The following ZDHHC3 variants were observed in gnomAD, a reference collection of about 807,000 sequenced individuals.
ZDHHC3 encodes the protein palmitoyltransferase ZDHHC3.
ZDHHC3 carries 9 observed loss-of-function variants against 30.6 expected under a neutral mutation model. That is an observed-to-expected ratio of 0.29 (90% CI 0.18 to 0.51). The LOEUF is 0.51. Among genes scored for constraint, ZDHHC3 ranks in the 20% least tolerant of loss-of-function variants. The pLI is 0.97. For missense variants in ZDHHC3, 246 were observed against 384.2 expected (o/e 0.64, Z 3.01); for synonymous variants, 136 against 140.2 (o/e 0.97, Z 0.21).
intron 1 of ZDHHC3, among the ~76,000 whole-genome samples, chr3:44,960,769 A>G (rs142294868): frequency 6.6e-6 from 1 of 152,370 alleles, no homozygotes; most frequent in African/African-American, 2.4e-5. Flanking sequence ...ACTCAAAAGC[A>G]GCACTGGCCA....
chr3:44,957,162 G>C (rs1185067612), intron 2 of ZDHHC3, among the ~76,000 whole-genome samples: 1 of 152,040 alleles, frequency 6.6e-6, no homozygotes, highest in East Asian at 1.9e-4. Context: ...GTCCCCCTTT[G>C]CCCCAGAAAG....
At chr3:44,975,889 C>T in intron 1 of ZDHHC3, 44 bp downstream of exon 1, 1 of 194,780 alleles carries the variant, frequency 5.1e-6, no homozygotes, top group Non-Finnish European at 1.0e-5. Context: ...GCTCGCCTCA[C>T]CCCAGCTTCT....
Position 44,925,548 on chromosome 3 carries a change from C to A in ZDHHC3, c.*1141G>T. The stretch of plus-strand genomic sequence containing the variant: ...GAAAATCTATTCTGTCCCAGTGCCA[C>A]AGGCTTAGGTGTGTCTGTGGATTCT... On this transcript the variant is annotated 3_prime_UTR_variant, in exon 7 of 7. Transcript: ENST00000424952. 1.0e-6 allele frequency: 1 copy of A among 985,484 alleles called. No homozygotes were observed. Among genetic ancestry groups the A allele is most frequent in the Non-Finnish European group, 1.2e-6 (1 of 829,954 alleles). The allele number at this position is 985,484 out of a possible 1,614,324, so 61.0% of individuals were successfully genotyped here.
chr3:44,938,386 G>T, intron 3 of ZDHHC3: 1 of 215,186 alleles, frequency 4.6e-6, no homozygotes, highest in Admixed American at 4.4e-5. Flanking sequence ...GGATTCTGGG[G>T]ACTGCCCAGT....
intron 2 of ZDHHC3, chr3:44,958,745 G>A: frequency 7.0e-7 from 1 of 1,423,242 alleles, no homozygotes; most frequent in East Asian, 2.5e-5. Flanking sequence ...TCTTCACTGG[G>A]AAGCCCAATC....
chr3:44,973,622 C>A (rs796336785), intron 1 of ZDHHC3, among the ~76,000 whole-genome samples: 78 of 152,206 alleles, frequency 5.1e-4, no homozygotes, highest in African/African-American at 1.6e-3. Flanking sequence ...CCATGCCCGG[C>A]TGATTTTGTA....
chr3:44,927,237 C>T (rs1402634134), intron 6 of ZDHHC3, among the ~76,000 whole-genome samples: 1 of 152,118 alleles, frequency 6.6e-6, no homozygotes, highest in Non-Finnish European at 1.5e-5. Flanking sequence ...AAGGCTTTGG[C>T]GTGAGAGGCC....
intron 2 of ZDHHC3, among the ~76,000 whole-genome samples, chr3:44,956,089 C>T (rs1042026459): frequency 6.6e-6 from 1 of 152,248 alleles, no homozygotes; most frequent in Non-Finnish European, 1.5e-5. Context: ...TCTGCATCCA[C>T]TGCAAGGGCC....
At chr3:44,946,576 G>T (rs1023805580) in intron 2 of ZDHHC3, among the ~76,000 whole-genome samples, 1 of 152,178 alleles carries the variant, frequency 6.6e-6, no homozygotes, top group Non-Finnish European at 1.5e-5. Flanking sequence ...TGTGTTGAGG[G>T]AGCACAGAGG....
At position 44,921,296 on chromosome 3, in the gene ZDHHC3, T is replaced by C. The variant is rs1700574169; in HGVS notation, c.*5393A>G. On this transcript the variant is annotated 3_prime_UTR_variant, in exon 7 of 7. Transcript: ENST00000424952. ...AGAACGAGAACAGGCTGTTCCCTGC[T>C]CCCTGTATCATCAGATGTAGAAAGC... The C allele has an allele frequency of 1.0e-6, 1 of 985,374 alleles. No homozygotes were observed. Among genetic ancestry groups the C allele is most frequent in the African/African-American group, 1.7e-5 (1 of 57,336 alleles). The allele number at this position is 985,374 out of a possible 1,614,324, so 61.0% of individuals were successfully genotyped here.
chr3:44,929,032 G>T (rs952014714), intron 6 of ZDHHC3, among the ~76,000 whole-genome samples: 4 of 152,204 alleles, frequency 2.6e-5, no homozygotes, highest in Non-Finnish European at 4.4e-5. Context: ...ACCTGCCATG[G>T]GGGGGATGGA....
At chr3:44,942,972 C>T (rs575520098) in intron 3 of ZDHHC3, among the ~76,000 whole-genome samples, 1 of 152,102 alleles carries the variant, frequency 6.6e-6, no homozygotes, top group African/African-American at 2.4e-5. Flanking sequence ...CTCCTAAGCC[C>T]GAGAGTGGCA....
At chr3:44,945,396 T>G in intron 2 of ZDHHC3, 104 bp from the exon 3 acceptor site, 1 of 1,442,132 alleles carries the variant, frequency 6.9e-7, no homozygotes, top group South Asian at 1.3e-5. Context: ...CACACACACA[T>G]GGACAGGACA....
chr3:44,971,641 A>C lies in ZDHHC3; in HGVS notation c.-25+4292T>G, dbSNP rs370761984. Among the ~76,000 whole-genome samples, 240 of 152,278 alleles carry C rather than the reference A, an allele frequency of 1.6e-3. 1 individual carries two copies. Among genetic ancestry groups the C allele is most frequent in the African/African-American group, 5.5e-3 (227 of 41,538 alleles). On this transcript the variant is annotated intron_variant, in intron 1 of 6. Transcript: ENST00000424952. ...AATATTTCTACATTTGGTAAGCAGG[A>C]TCTGTTACCCCCTTTTCTCAAATAT...
intron 1 of ZDHHC3, chr3:44,975,388 T>C (rs1226744059): frequency 1.3e-5 from 2 of 152,224 alleles, no homozygotes; most frequent in Non-Finnish European, 2.9e-5. Context: ...CAGTTCCCGC[T>C]AGGAAGCGTT....
Position 44,959,182 on chromosome 3 carries a change from C to A in ZDHHC3, c.255G>T (p.Leu85=). The change falls in exon 2 of 7, where the codon CTG becomes CTT. Residue 85 remains leucine (L), a synonymous_variant. Coordinates refer to ENST00000424952, the MANE Select transcript of ZDHHC3 (RefSeq NM_001135179.2). This position sits in a 1 kb window ranked among gnomAD's most constrained non-coding sequence, Gnocchi z 4.3. The part of the protein sequence containing the change: ...YSIINGIVFN[L]LAFLALASHC... ...GGGAGGCCAGGGCCAAGAAGGCCAG[C>A]AGGTTGAACACAATTCCGTTGATGA... is the stretch of plus-strand genomic sequence containing the variant. 6.2e-7 allele frequency: 1 copy of A among 1,614,256 alleles called. No individual in the cohort carries two copies. Among genetic ancestry groups the A allele is most frequent in the Non-Finnish European group, 8.5e-7 (1 of 1,180,052 alleles).
chr3:44,955,457 T>TTATATATATATATATA (rs150337679), intron 2 of ZDHHC3, among the ~76,000 whole-genome samples: 12 of 143,962 alleles, frequency 8.3e-5, no homozygotes, highest in African/African-American at 3.1e-4. Context: ...CACAAGGTTT[T>TTATATATATATATATA]TATATATATA....
Position 44,924,874 on chromosome 3 carries a change from C to T in ZDHHC3, c.*1815G>A, listed in dbSNP as rs1291172901. ...CTTAGCATCTCAGCCTCGCCCGTATCGCATGAATAGCACCGTAGACACGAG... is the reference window on the plus strand; with the variant it reads ...CTTAGCATCTCAGCCTCGCCCGTATTGCATGAATAGCACCGTAGACACGAG... On this transcript the variant is annotated 3_prime_UTR_variant, in exon 7 of 7. Transcript: ENST00000424952. The T allele has an allele frequency of 3.0e-6, 3 of 985,546 alleles. No individual in the cohort carries two copies. Among genetic ancestry groups the T allele is most frequent in the Non-Finnish European group, 3.6e-6 (3 of 829,940 alleles). 61.1% of individuals were successfully genotyped at this position (985,546 alleles called of 1,614,324 possible). A position where few individuals can be genotyped will look rare whatever the true frequency, so the allele number is the denominator to read the frequency against.
At chr3:44,931,964 G>T (rs1701531128) in intron 5 of ZDHHC3, among the ~76,000 whole-genome samples, 1 of 152,158 alleles carries the variant, frequency 6.6e-6, no homozygotes, top group Non-Finnish European at 1.5e-5. Context: ...TTAATGCAAT[G>T]GTGCCTTCCA....
Sources: allele counts gnomAD v4.1 joint callset (sites outside exome capture counted in the v4.1 genomes callset), GRCh38; gene constraint gnomAD v4.1.1; non-coding constraint Gnocchi (gnomAD v3.1); transcripts MANE v1.5; gene names NCBI Gene and HGNC (gene_info 2026-07-23, HGNC 2026-07-21).